ADGRL2: variants seen among roughly 807,000 people sequenced by gnomAD.
ADGRL2 encodes adhesion G protein-coupled receptor L2.
ADGRL2 carries 44 observed loss-of-function variants against 157.4 expected under a neutral mutation model. The observed-to-expected ratio is 0.28, with a 90% CI of 0.22 to 0.36. The LOEUF (loss-of-function observed/expected upper bound fraction) is 0.36. ADGRL2 is among the 10% of genes least tolerant of loss of function. The pLI, the probability that ADGRL2 is intolerant of heterozygous loss-of-function variation, is 1.00. For synonymous variants in ADGRL2, 585 were observed against 624.7 expected, an observed-to-expected ratio of 0.94 and a Z score of 0.95; for missense variants, 1,510 against 1,768.9, an observed-to-expected ratio of 0.85 and a Z score of 2.63.
chr1:81,587,450 C>T lies in ADGRL2; in HGVS notation c.-143+6470C>T, dbSNP rs2081050154. ...AGCAGAAAAGGAAGAAGTGGCCATT[C>T]CAGGCAGAAGAAATAATGTAGATTG... On this transcript the variant is annotated intron_variant, in intron 3 of 24. Coordinates refer to the ADGRL2 transcript ENST00000370721. Among the ~76,000 whole-genome samples the T allele has an allele frequency of 2.6e-5, 4 of 151,906 alleles. No individual in the cohort carries two copies. In the South Asian group the frequency reaches 6.2e-4, roughly 24 times the overall value.
At chr1:81,412,144 A>G (rs2076956373) in intron 1 of ADGRL2, among the ~76,000 whole-genome samples, 2 of 152,176 alleles carry the variant, frequency 1.3e-5, no homozygotes, top group African/African-American at 4.8e-5. Context: ...GAAGAAAGGG[A>G]AACTGATGCA....
In ADGRL2 at chr1:81,966,153, G is replaced by T; in HGVS notation, c.2113G>T (p.Ala705Ser). Residue 705 changes from alanine (A) to serine (S), a missense_variant, in exon 12 of 24, where the codon GCA becomes TCA. Ala to Ser is a moderately conservative substitution (Grantham distance 99). Transcript: ENST00000686636. ...KGAGSSIQLS[A>S]NTVKQNSRNG... Reference sequence around the variant, plus strand: ...AGCAGGCAGCTCAATCCAACTGTCCGCAAATACCGTCAAACAGAACAGCAG... The same window carrying T: ...AGCAGGCAGCTCAATCCAACTGTCCTCAAATACCGTCAAACAGAACAGCAG... 1.9e-6 allele frequency: 3 copies of T among 1,613,970 alleles called. No homozygotes were observed. Among genetic ancestry groups the T allele is most frequent in the South Asian group, 2.2e-5 (2 of 91,074 alleles).
At chr1:81,444,167 T>C (rs769246146) in intron 1 of ADGRL2, among the ~76,000 whole-genome samples, 9 of 152,246 alleles carry the variant, frequency 5.9e-5, no homozygotes, top group Non-Finnish European at 1.3e-4. Context: ...TTAGGAAATA[T>C]GTAACATTTA....
At chr1:81,541,292 C>T (rs775134758) in intron 2 of ADGRL2, among the ~76,000 whole-genome samples, 10 of 152,210 alleles carry the variant, frequency 6.6e-5, no homozygotes, top group Non-Finnish European at 1.5e-4. Context: ...AACCAGGATG[C>T]AACCAATGTC....
rs575564359 is a variant in ADGRL2, at chr1:81,632,030, A to T, written c.-143+51050A>T. 1.2e-4 allele frequency among the ~76,000 whole-genome samples: 18 copies of T among 152,346 alleles called. No individual in the cohort carries two copies. The South Asian group carries it at 3.7e-3, about 32-fold the overall frequency. On this transcript the variant is annotated intron_variant, in intron 3 of 24. Coordinates refer to the ADGRL2 transcript ENST00000370721. ...AGCATTCTATAGCCACATAAGAAAT[A>T]TTTGATAGCATACATTTAAAAAGAA...
chr1:81,928,585 G>A (rs1419690857), intron 3 of ADGRL2, among the ~76,000 whole-genome samples: 1 of 152,030 alleles, frequency 6.6e-6, no homozygotes, highest in African/African-American at 2.4e-5. Flanking sequence ...TACCTGAACA[G>A]AATGTAATTT....
intron 1 of ADGRL2, among the ~76,000 whole-genome samples, chr1:81,423,447 G>A (rs144245013): frequency 2.0e-5 from 3 of 152,056 alleles, no homozygotes; most frequent in African/African-American, 4.8e-5. Context: ...TACACACATC[G>A]CGACGGCCCA....
rs140380691 is a variant in ADGRL2, at chr1:81,558,556, T to C, written c.-247-22320T>C. On this transcript the variant is annotated intron_variant, in intron 2 of 24. Coordinates refer to the ADGRL2 transcript ENST00000370721. ...GGGAGAATTTGAGTGCAGACATTCC[T>C]TCATATTCATTCTTCATGCAACCTT... Among the ~76,000 whole-genome samples the C allele has an allele frequency of 1.5e-3, 235 of 152,316 alleles. 1 individual carries two copies. The highest frequency in any genetic ancestry group is 6.8e-3 in the Middle Eastern group (2 of 294).
intron 11 of ADGRL2, among the ~76,000 whole-genome samples, chr1:81,960,910 G>T (rs1019822413): frequency 1.3e-5 from 2 of 152,084 alleles, no homozygotes; most frequent in Non-Finnish European, 2.9e-5. Flanking sequence ...CTGCATAATT[G>T]TTGAGGCTGG....
At chr1:81,811,963 T>C (rs1040729603) in intron 1 of ADGRL2, among the ~76,000 whole-genome samples, 1 of 151,778 alleles carries the variant, frequency 6.6e-6, no homozygotes, top group African/African-American at 2.4e-5. Context: ...TGTCTGAGTA[T>C]GTCTTGGGTG....
rs907797293 is a variant in ADGRL2, at chr1:81,720,192, T to C, written c.-143+20384T>C. ...ATTCCTTTTTTTCTTTTCTTTTTTT[T>C]TTTTTTTTGAGACGTAATCTTGCTC... On this transcript the variant is annotated intron_variant, in intron 1 of 20. Transcript: ENST00000359929. Among the ~76,000 whole-genome samples the C allele has an allele frequency of 2.1e-4, 32 of 150,384 alleles. 1 individual carries two copies. The highest frequency in any genetic ancestry group is 7.1e-4 in the African/African-American group (29 of 41,006).
intron 1 of ADGRL2, among the ~76,000 whole-genome samples, chr1:81,433,929 A>T (rs1367765956): frequency 6.6e-6 from 1 of 151,860 alleles, no homozygotes; most frequent in African/African-American, 2.4e-5. Context: ...CTGTGTTGGG[A>T]CTCTGTTGAC....
chr1:81,602,358 G>T (rs527663194), intron 3 of ADGRL2, among the ~76,000 whole-genome samples: 1 of 152,276 alleles, frequency 6.6e-6, no homozygotes, highest in African/African-American at 2.4e-5. Flanking sequence ...CCTTTGGGAG[G>T]CTGAGGCAGG....
chr1:81,543,363 A>G (rs1265187818), intron 2 of ADGRL2, among the ~76,000 whole-genome samples: 1 of 152,098 alleles, frequency 6.6e-6, no homozygotes, highest in Non-Finnish European at 1.5e-5. Flanking sequence ...AGAAGGCATT[A>G]TCTATGAAGA....
At chr1:81,625,936 C>G (rs967573360) in intron 3 of ADGRL2, among the ~76,000 whole-genome samples, 2 of 152,118 alleles carry the variant, frequency 1.3e-5, no homozygotes, top group African/African-American at 4.8e-5. Flanking sequence ...TTTTAAAAAG[C>G]TGTCAGAGAG....
chr1:81,977,363 T>C (rs1660458011), intron 17 of ADGRL2, among the ~76,000 whole-genome samples: 2 of 151,866 alleles, frequency 1.3e-5, no homozygotes, highest in Non-Finnish European at 2.9e-5. Context: ...CAGTCTGTTT[T>C]TAAAGGATTA....
At chr1:81,722,571 C>T (rs2084368780) in intron 1 of ADGRL2, 1 of 1,489,416 alleles carries the variant, frequency 6.7e-7, no homozygotes, top group African/African-American at 1.4e-5. Context: ...GGAAAGCACA[C>T]AGACGCCTAG....
intron 1 of ADGRL2, among the ~76,000 whole-genome samples, chr1:81,395,475 T>C (rs2076638767): frequency 6.6e-6 from 1 of 152,200 alleles, no homozygotes; most frequent in Non-Finnish European, 1.5e-5. Flanking sequence ...TTTGTAAATA[T>C]TTTCTCCCAT....
At chr1:81,515,793 A>G (rs115840456) in intron 2 of ADGRL2, among the ~76,000 whole-genome samples, 2,799 of 152,296 alleles carry the variant, frequency 0.018, 75 homozygotes, top group African/African-American at 0.064. Flanking sequence ...TTATAAATAT[A>G]AGATTATACA....
Sources: gnomAD v4.1 joint callset for allele counts (sites outside exome capture counted in the v4.1 genomes callset) on GRCh38, gnomAD v4.1.1 for gene constraint, MANE v1.5 for transcripts, NCBI Gene and HGNC (gene_info 2026-07-23, HGNC 2026-07-21) for gene names.